GPR176: variants seen among roughly 807,000 people sequenced by gnomAD.
GPR176 encodes the protein G-protein coupled receptor 176.
In GPR176, 26 loss-of-function variants were observed where a neutral mutation model predicts 35.4. The observed-to-expected ratio is 0.74, with a 90% CI of 0.54 to 1.02. GPR176 has a LOEUF of 1.02. GPR176 is among the 50% of genes least tolerant of loss of function. GPR176 has a pLI of 0.00. For synonymous variants in GPR176, 278 were observed against 271.3 expected (o/e 1.02, Z -0.24); for missense variants, 597 against 665.3 (o/e 0.90, Z 1.13).
chr15:39,916,535 G>C (rs1747500069), intron 1 of GPR176, among the ~76,000 whole-genome samples: 1 of 152,082 alleles, frequency 6.6e-6, no homozygotes, highest in African/African-American at 2.4e-5. Context: ...TTTTCAAAAA[G>C]AGGTACAAGA....
intron 1 of GPR176, among the ~76,000 whole-genome samples, chr15:39,888,974 G>A (rs999828590): frequency 6.6e-6 from 1 of 152,154 alleles, no homozygotes; most frequent in African/African-American, 2.4e-5. Flanking sequence ...ATTTAAAAAG[G>A]AATCCAGGAA....
At chr15:39,904,669 C>T (rs1270655738) in intron 1 of GPR176, among the ~76,000 whole-genome samples, 2 of 152,172 alleles carry the variant, frequency 1.3e-5, no homozygotes, top group East Asian at 3.8e-4. Context: ...ACCTGAAGAG[C>T]AAGAGATGGG....
intron 1 of GPR176, among the ~76,000 whole-genome samples, chr15:39,836,120 A>G (rs79663563): frequency 0.024 from 3,584 of 152,220 alleles, 177 homozygotes; most frequent in African/African-American, 0.079. Flanking sequence ...TATATAAGTA[A>G]ATATAAAAAG....
chr15:39,806,397 C>G (rs1292531369), intron 2 of GPR176, among the ~76,000 whole-genome samples: 3 of 152,134 alleles, frequency 2.0e-5, no homozygotes, highest in Non-Finnish European at 4.4e-5. Context: ...GATCTTTATG[C>G]AACTTTGATA....
At chr15:39,839,797 C>G (rs1435196663) in intron 1 of GPR176, among the ~76,000 whole-genome samples, 1 of 152,126 alleles carries the variant, frequency 6.6e-6, no homozygotes, top group African/African-American at 2.4e-5. Context: ...AATCAAACAA[C>G]CCCATCAAAA....
intron 1 of GPR176, among the ~76,000 whole-genome samples, chr15:39,882,645 T>G (rs1805063149): frequency 6.6e-6 from 1 of 152,230 alleles, no homozygotes; most frequent in Non-Finnish European, 1.5e-5. Context: ...AACACCCACT[T>G]CTTTATTCAC....
At chr15:39,866,292 G>T (rs773472583) in intron 1 of GPR176, among the ~76,000 whole-genome samples, 3 of 151,972 alleles carry the variant, frequency 2.0e-5, no homozygotes, top group Non-Finnish European at 4.4e-5. Flanking sequence ...TATCCCTCTC[G>T]ATATACTTCT....
At chr15:39,851,674 C>A (rs1004457102) in intron 1 of GPR176, among the ~76,000 whole-genome samples, 1 of 152,190 alleles carries the variant, frequency 6.6e-6, no homozygotes, top group South Asian at 2.1e-4. Flanking sequence ...CTCACAAATG[C>A]GAGTCAGTGG....
intron 1 of GPR176, 29 bp downstream of exon 1, chr15:39,919,826 G>T: frequency 2.2e-6 from 3 of 1,372,594 alleles, no homozygotes; most frequent in South Asian, 3.6e-5. Context: ...GGGGAGGCCC[G>T]GTCCGGAGGC....
intron 1 of GPR176, among the ~76,000 whole-genome samples, chr15:39,881,723 G>T (rs1284266188): frequency 6.6e-6 from 1 of 152,098 alleles, no homozygotes. Context: ...ATGAATAGAT[G>T]GTTCAAAAGT....
intron 1 of GPR176, chr15:39,813,161 A>T (rs1344910771): frequency 6.6e-6 from 1 of 152,172 alleles, no homozygotes; most frequent in Non-Finnish European, 1.5e-5. Context: ...TATTGCTACA[A>T]TTTCTTCTTT....
At position 39,822,174 on chromosome 15, in the gene GPR176, GC is replaced by G. The variant is rs200144971; in HGVS notation, c.173-14917del. 8.0e-3 allele frequency among the ~76,000 whole-genome samples: 1,221 copies of G among 152,322 alleles called. 8 individuals carry two copies. Among genetic ancestry groups the G allele is most frequent in the Non-Finnish European group, 0.013 (865 of 68,024 alleles). On this transcript the variant is annotated intron_variant, in intron 1 of 2. Transcript: ENST00000561100. Reference sequence around the variant, plus strand: ...ATGCCTTCAGGTGGCCACAGCTCTGGCCAACATCTTGATGCAACCTTATGAG... The same window carrying G: ...ATGCCTTCAGGTGGCCACAGCTCTGGCAACATCTTGATGCAACCTTATGAG...
chr15:39,811,480 G>T (rs756564065), intron 1 of GPR176, among the ~76,000 whole-genome samples: 5 of 152,026 alleles, frequency 3.3e-5, no homozygotes, highest in Non-Finnish European at 7.4e-5. Flanking sequence ...AAAATGCATG[G>T]AATCAGAAGT....
Position 39,802,209 on chromosome 15 carries a change from G to A in GPR176, c.471C>T (p.Ala157=), listed in dbSNP as rs1427247564. 6.2e-7 allele frequency: 1 copy of A among 1,613,496 alleles called. No homozygotes were observed. Among genetic ancestry groups the A allele is most frequent in the South Asian group, 1.1e-5 (1 of 91,012 alleles). ...LYPLERKISD[A]KSRELVMYIW... ...TGTACATCACCAGTTCACGGGACTT[G>A]GCATCAGATATTTTCCTCTCCAGTG... The change falls in exon 3 of 3, where the codon GCC becomes GCT. Residue 157 remains alanine, a synonymous_variant. Coordinates refer to ENST00000561100, the MANE Select transcript of GPR176 (RefSeq NM_007223.3).
rs191080389 is a variant in GPR176 at position 39,836,522 on chromosome 15, G to A, written c.173-29264C>T. Among the ~76,000 whole-genome samples the A allele has an allele frequency of 3.3e-3, 509 of 152,226 alleles. 4 individuals are homozygous for A. Among genetic ancestry groups the A allele is most frequent in the Admixed American group, 8.0e-3 (122 of 15,282 alleles). On this transcript the variant is annotated intron_variant, in intron 1 of 2. Transcript: ENST00000561100. ...CTTCTTGTACAGCCTGCAGAACCAT[G>A]AGCCAAATAATCTCTTTTCTTTATA...
In GPR176 at chr15:39,894,773, T is replaced by C. The variant is rs375701396; in HGVS notation, c.172+25082A>G. Among the ~76,000 whole-genome samples the C allele has an allele frequency of 2.2e-3, 306 of 140,518 alleles. 9 individuals carry two copies. The East Asian group carries it at 0.052, about 24-fold the overall frequency. 92.2% of individuals were successfully genotyped at this position (140,518 alleles called of 152,430 possible). ...GCAGAGGGGCTCCTCACATCCCAGA[T>C]GATGGGCGGCCAGGCAGAGACGCTC... On this transcript the variant is annotated intron_variant, in intron 1 of 2. Coordinates refer to ENST00000561100, the MANE Select transcript of GPR176 (RefSeq NM_007223.3).
chr15:39,827,683 G>A (rs1043987296), intron 1 of GPR176, among the ~76,000 whole-genome samples: 2 of 152,080 alleles, frequency 1.3e-5, no homozygotes, highest in African/African-American at 2.4e-5. Context: ...AAGGTAGGTT[G>A]GCAGTATCTA....
At chr15:39,823,356 CAAT>C (rs969290341) in intron 1 of GPR176, among the ~76,000 whole-genome samples, 30 of 152,258 alleles carry the variant, frequency 2.0e-4, no homozygotes, top group African/African-American at 5.1e-4. Flanking sequence ...CTTCCTCCTC[CAAT>C]ATTATCCATC....
intron 1 of GPR176, among the ~76,000 whole-genome samples, chr15:39,839,068 AT>A (rs1308939344): frequency 2.6e-5 from 4 of 152,190 alleles, no homozygotes; most frequent in Admixed American, 2.6e-4. Context: ...GCCCAAGGTA[AT>A]TTATAGATTC....
Sources: gnomAD v4.1 joint callset for allele counts (sites outside exome capture counted in the v4.1 genomes callset) on GRCh38, gnomAD v4.1.1 for gene constraint, MANE v1.5 for transcripts, NCBI Gene and HGNC (gene_info 2026-07-23, HGNC 2026-07-21) for gene names.